AFAP1L2: variants seen among roughly 807,000 people sequenced by gnomAD.
AFAP1L2 encodes actin filament associated protein 1 like 2, also known as actin filament-associated protein 1-like 2.
In AFAP1L2, 46 loss-of-function variants were observed where a neutral mutation model predicts 99.3. That is an observed-to-expected ratio of 0.46 (90% CI 0.37 to 0.59). The LOEUF is 0.59. Among genes scored for constraint, AFAP1L2 ranks in the 20% least tolerant of loss-of-function variants. AFAP1L2 has a pLI of 0.00. For synonymous variants in AFAP1L2, 397 were observed against 419.1 expected (o/e 0.95, Z 0.64); for missense variants, 959 against 1,034.9 (o/e 0.93, Z 1.01).
At chr10:114,288,266 G>A in the AFAP1L2 span, among the ~76,000 whole-genome samples, 380 of 152,190 alleles carry the variant, frequency 2.5e-3, 1 homozygote, top group Non-Finnish European at 2.6e-3. Flanking sequence ...TCCCCTACTG[G>A]TCTCTCTCGA....
At chr10:114,383,983 T>C (rs1423741148) in intron 1 of AFAP1L2, among the ~76,000 whole-genome samples, 6 of 152,174 alleles carry the variant, frequency 3.9e-5, no homozygotes. Context: ...GGCCCCGCCT[T>C]CCGGTCCTGC....
intron 1 of AFAP1L2, 92 bp downstream of exon 1, chr10:114,404,348 C>G: frequency 7.2e-7 from 1 of 1,390,836 alleles, no homozygotes; most frequent in Non-Finnish European, 9.9e-7. Flanking sequence ...CTGCTTATCC[C>G]GAGTCCTGGC....
At position 114,295,563 on chromosome 10, in the gene AFAP1L2, G is replaced by C; in HGVS notation, c.*479C>G. 1 of 986,410 alleles carries C rather than the reference G, an allele frequency of 1.0e-6. No individual in the cohort carries two copies. The highest frequency in any genetic ancestry group is 1.2e-6 in the Non-Finnish European group (1 of 830,654). The allele number at this position is 986,410 out of a possible 1,614,324, so 61.1% of individuals were successfully genotyped here. Reference sequence around the variant, plus strand: ...CTGAGTTGGGCCTGGTAATATTGGAGAGAACTGAAGGCAAGGATGGTTTAA... The same window carrying C: ...CTGAGTTGGGCCTGGTAATATTGGACAGAACTGAAGGCAAGGATGGTTTAA... On this transcript the variant is annotated 3_prime_UTR_variant, in exon 19 of 19. Coordinates refer to ENST00000304129, the MANE Select transcript of AFAP1L2 (RefSeq NM_001001936.3).
intron 1 of AFAP1L2, among the ~76,000 whole-genome samples, chr10:114,354,154 C>T (rs543335021): frequency 1.4e-4 from 21 of 152,030 alleles, no homozygotes; most frequent in Non-Finnish European, 2.2e-4. Flanking sequence ...ATGGATGGAA[C>T]GTGATTGTTA....
intron 4 of AFAP1L2, among the ~76,000 whole-genome samples, chr10:114,330,487 C>T (rs1307878368): frequency 6.6e-6 from 1 of 152,188 alleles, no homozygotes; most frequent in Non-Finnish European, 1.5e-5. Context: ...GGTTTCCTCA[C>T]CCTTAAAATA....
At chr10:114,373,480 C>G (rs940194429) in intron 1 of AFAP1L2, among the ~76,000 whole-genome samples, 3 of 152,186 alleles carry the variant, frequency 2.0e-5, no homozygotes, top group African/African-American at 7.2e-5. Flanking sequence ...CAAAAATTAG[C>G]TGGGCGTGGT....
chr10:114,361,605 A>G (rs1197899421), intron 1 of AFAP1L2, among the ~76,000 whole-genome samples: 1 of 152,180 alleles, frequency 6.6e-6, no homozygotes, highest in East Asian at 1.9e-4. Flanking sequence ...GGGTTTGCAA[A>G]GTGATGGAAA....
chr10:114,315,789 AG>A (rs750081501), intron 5 of AFAP1L2, 24 bp from the exon 6 acceptor site: 2 of 1,593,576 alleles, frequency 1.3e-6, no homozygotes, highest in Admixed American at 3.5e-5. Context: ...CAGCTCGGTC[AG>A]GGCCCCATGG....
chr10:114,327,175 T>TATATATATATATATATATATACA (rs1564880771), intron 4 of AFAP1L2, among the ~76,000 whole-genome samples: 1 of 55,626 alleles, frequency 1.8e-5, no homozygotes, highest in Non-Finnish European at 5.3e-5. Context: ...ATATATATAT[T>TATATATATATATATATATATACA]TTTTTTTTAG....
intron 5 of AFAP1L2, among the ~76,000 whole-genome samples, chr10:114,322,055 C>T (rs576909718): frequency 3.9e-5 from 6 of 152,218 alleles, no homozygotes; most frequent in Middle Eastern, 3.4e-3. Context: ...ATAAGTCTCA[C>T]GAGATCTGAC....
rs2133848242 is a variant in AFAP1L2 at position 114,295,912 on chromosome 10, A to G, written c.*130T>C. On this transcript the variant is annotated 3_prime_UTR_variant, in exon 19 of 19. Coordinates refer to ENST00000304129, the MANE Select transcript of AFAP1L2 (RefSeq NM_001001936.3). The stretch of plus-strand genomic sequence containing the variant: ...AGCCTCCTCTTAGCTGAAGCTCTCC[A>G]TTCACAGTACCTCAGTCTTTGCTTT... The G allele has an allele frequency of 6.4e-7, 1 of 1,573,456 alleles. No individual in the cohort carries two copies. The highest frequency in any genetic ancestry group is 8.6e-7 in the Non-Finnish European group (1 of 1,158,882).
intron 5 of AFAP1L2, among the ~76,000 whole-genome samples, chr10:114,321,680 AC>A (rs1233644404): frequency 2.0e-5 from 3 of 152,212 alleles, no homozygotes; most frequent in Non-Finnish European, 2.9e-5. Context: ...GAGAAGGAGG[AC>A]AGAAGGGGAG....
chr10:114,319,679 G>A, intron 5 of AFAP1L2: 1 of 1,274,972 alleles, frequency 7.8e-7, no homozygotes, highest in Non-Finnish European at 1.0e-6. Flanking sequence ...ACAGAGGGAA[G>A]AGAAGAGAGA....
chr10:114,289,089 G>A, the AFAP1L2 span: 9 of 1,614,054 alleles, frequency 5.6e-6, no homozygotes, highest in Admixed American at 3.3e-5. Flanking sequence ...GCCTGGTGGT[G>A]TATGGCAGCC....
chr10:114,393,394 T>C (rs1026205052), intron 1 of AFAP1L2: 2 of 152,236 alleles, frequency 1.3e-5, no homozygotes, highest in Non-Finnish European at 2.9e-5. Context: ...ACACAGGGAA[T>C]GTGGGCTGCT....
At chr10:114,371,876 GA>G (rs2054162815) in intron 1 of AFAP1L2, among the ~76,000 whole-genome samples, 1 of 151,348 alleles carries the variant, frequency 6.6e-6, no homozygotes, top group South Asian at 2.1e-4. Flanking sequence ...GGTGGCGGGG[GA>G]AAGTCCCTTT....
intron 1 of AFAP1L2, among the ~76,000 whole-genome samples, chr10:114,343,882 C>G (rs948188087): frequency 6.6e-6 from 1 of 152,210 alleles, no homozygotes; most frequent in African/African-American, 2.4e-5. Flanking sequence ...TCACCACACC[C>G]TCATCCAAGG....
chr10:114,331,986 C>A, intron 3 of AFAP1L2, 89 bp from the exon 4 acceptor site: 1 of 844,038 alleles, frequency 1.2e-6, no homozygotes, highest in Non-Finnish European at 1.6e-6. Context: ...TCACATGCAC[C>A]CTGTGAGTTC....
chr10:114,287,551 C>G, the AFAP1L2 span, among the ~76,000 whole-genome samples: 4 of 152,132 alleles, frequency 2.6e-5, no homozygotes, highest in Non-Finnish European at 5.9e-5. Flanking sequence ...TGCTTCTCAG[C>G]CCTGATGCCA....
Sources: allele counts gnomAD v4.1 joint callset (sites outside exome capture counted in the v4.1 genomes callset), GRCh38; gene constraint gnomAD v4.1.1; transcripts MANE v1.5; gene names NCBI Gene and HGNC (gene_info 2026-07-23, HGNC 2026-07-21).